Variants in FRMD4B observed in about 807,000 individuals in gnomAD.
The protein encoded by FRMD4B is FERM domain-containing protein 4B.
In FRMD4B, 74 loss-of-function variants were observed where a neutral mutation model predicts 141.5. That is an observed-to-expected ratio of 0.52 (90% confidence interval 0.43 to 0.63). FRMD4B has a LOEUF of 0.63. FRMD4B is among the 30% of genes least tolerant of loss of function. The pLI, the probability that FRMD4B is intolerant of heterozygous loss-of-function variation, is 0.00. For synonymous variants in FRMD4B, 506 were observed against 467.9 expected, an observed-to-expected ratio of 1.08 and a Z score of -1.05; for missense variants, 1,366 against 1,253.4, an observed-to-expected ratio of 1.09 and a Z score of -1.36.
chr3:69,516,405 G>C (rs1216401194), intron 1 of FRMD4B, among the ~76,000 whole-genome samples: 3 of 152,280 alleles, frequency 2.0e-5, no homozygotes, highest in Admixed American at 2.0e-4. Flanking sequence ...GGAGGAAAGA[G>C]GGTCAAAGTC....
intron 1 of FRMD4B, among the ~76,000 whole-genome samples, chr3:69,315,323 A>C (rs1481447356): frequency 6.6e-6 from 1 of 152,166 alleles, no homozygotes; most frequent in African/African-American, 2.4e-5. Context: ...TTAGTTTAAG[A>C]ATCCTCATAG....
At chr3:69,456,655 T>C (rs1026136702) in intron 1 of FRMD4B, among the ~76,000 whole-genome samples, 1 of 151,486 alleles carries the variant, frequency 6.6e-6, no homozygotes, top group South Asian at 2.1e-4. Context: ...CACCACTGTC[T>C]ATGAGCTGGC....
chr3:69,346,393 T>C (rs1314910867), intron 1 of FRMD4B, among the ~76,000 whole-genome samples: 4 of 152,250 alleles, frequency 2.6e-5, no homozygotes, highest in East Asian at 1.9e-4. Context: ...TGGAACCAAG[T>C]TGGAAAACAC....
At chr3:69,266,179 G>A (rs1274348192) in intron 5 of FRMD4B, among the ~76,000 whole-genome samples, 1 of 151,894 alleles carries the variant, frequency 6.6e-6, no homozygotes, top group Admixed American at 6.6e-5. Context: ...TCCAGCCTGG[G>A]TGACAGAGTG....
chr3:69,350,572 T>C (rs9310148), intron 1 of FRMD4B, among the ~76,000 whole-genome samples: 106,610 of 151,898 alleles, frequency 0.7, 38,396 homozygotes, highest in African/African-American at 0.86. Flanking sequence ...TTGGAACCAA[T>C]CCAAATGTCC....
intron 7 of FRMD4B, among the ~76,000 whole-genome samples, chr3:69,225,689 C>T (rs189843846): frequency 0.019 from 1,105 of 57,172 alleles, 16 homozygotes; most frequent in Non-Finnish European, 0.027. Context: ...AGCAAGACTC[C>T]GTCTCAAAAA....
At chr3:69,494,661 G>A (rs1341927509) in intron 1 of FRMD4B, among the ~76,000 whole-genome samples, 2 of 152,178 alleles carry the variant, frequency 1.3e-5, no homozygotes, top group African/African-American at 4.8e-5. Flanking sequence ...GGAGGCCAAG[G>A]TGGGTGGATC....
intron 1 of FRMD4B, among the ~76,000 whole-genome samples, chr3:69,321,479 T>G (rs1277183318): frequency 6.6e-6 from 1 of 152,188 alleles, no homozygotes; most frequent in East Asian, 1.9e-4. Flanking sequence ...TAGAGTGAAA[T>G]CTGCCATCTG....
At chr3:69,418,025 C>A (rs771682630) in intron 2 of FRMD4B, among the ~76,000 whole-genome samples, 25 of 152,224 alleles carry the variant, frequency 1.6e-4, no homozygotes, top group African/African-American at 5.5e-4. Context: ...AGGGCCCATA[C>A]AGATAATCTA....
At chr3:69,270,063 CT>C (rs754918551) in intron 5 of FRMD4B, among the ~76,000 whole-genome samples, 1 of 151,904 alleles carries the variant, frequency 6.6e-6, no homozygotes, top group Non-Finnish European at 1.5e-5. Context: ...GTCACCCAGG[CT>C]GGAGTGCAGT....
At chr3:69,393,432 T>G (rs1356566810) in intron 2 of FRMD4B, among the ~76,000 whole-genome samples, 1 of 151,866 alleles carries the variant, frequency 6.6e-6, no homozygotes, top group Non-Finnish European at 1.5e-5. Flanking sequence ...CCAGATCAAA[T>G]TTTAGAAGTT....
chr3:69,201,432 T>G (rs1184993754), intron 11 of FRMD4B, among the ~76,000 whole-genome samples: 1 of 152,132 alleles, frequency 6.6e-6, no homozygotes. Flanking sequence ...TTTCTCAAAA[T>G]TAAAGTAATA....
At position 69,283,112 on chromosome 3, in the gene FRMD4B, T is replaced by A. The variant is rs4615082; in HGVS notation, c.501+4640A>T. ...AGAAAGGAGCTCCCAGGCCAGGCGC[T>A]GTGGCTCACACCTGTAATCCCAGCA... On this transcript the variant is annotated intron_variant, in intron 5 of 22. Transcript: ENST00000398540. 8.6e-5 allele frequency among the ~76,000 whole-genome samples: 13 copies of A among 152,006 alleles called. No homozygotes were observed. In the East Asian group the frequency reaches 2.0e-3, roughly 23 times the overall value.
chr3:69,176,843 C>G (rs73835749), intron 21 of FRMD4B, among the ~76,000 whole-genome samples, 187 bp from the exon 22 acceptor site: 3,679 of 152,024 alleles, frequency 0.024, 158 homozygotes, highest in African/African-American at 0.085. Flanking sequence ...GTAGTTTATC[C>G]TCTTTAAGCC....
At chr3:69,396,852 C>T (rs538697996) in intron 2 of FRMD4B, among the ~76,000 whole-genome samples, 2 of 152,152 alleles carry the variant, frequency 1.3e-5, no homozygotes, top group African/African-American at 2.4e-5. Context: ...AAAGTGAAAA[C>T]AGGCATTTTA....
At chr3:69,447,729 C>T (rs545985603) in intron 1 of FRMD4B, among the ~76,000 whole-genome samples, 149 of 152,270 alleles carry the variant, frequency 9.8e-4, no homozygotes, top group African/African-American at 3.2e-3. Context: ...CTTAGGAAAC[C>T]ACTGATCTGC....
intron 1 of FRMD4B, among the ~76,000 whole-genome samples, chr3:69,525,222 G>C (rs1700915235): frequency 6.6e-6 from 1 of 152,012 alleles, no homozygotes; most frequent in Non-Finnish European, 1.5e-5. Flanking sequence ...TATCCTCCTG[G>C]CTCTTGGCCA....
chr3:69,505,017 C>T (rs1706571687), intron 1 of FRMD4B, among the ~76,000 whole-genome samples: 1 of 152,138 alleles, frequency 6.6e-6, no homozygotes, highest in Admixed American at 6.5e-5. Flanking sequence ...GCAACATCCC[C>T]AGGGATTCTA....
chr3:69,541,482 A>T (rs540874433), intron 1 of FRMD4B: 11 of 152,362 alleles, frequency 7.2e-5, no homozygotes, highest in African/African-American at 2.6e-4. Flanking sequence ...AAGATTTAAT[A>T]CACGTCTCAC....
Sources: allele counts gnomAD v4.1 joint callset (sites outside exome capture counted in the v4.1 genomes callset), GRCh38; gene constraint gnomAD v4.1.1; transcripts MANE v1.5; gene names NCBI Gene and HGNC (gene_info 2026-07-23, HGNC 2026-07-21).